The following SVOPL variants were observed in gnomAD, a reference collection of about 807,000 sequenced individuals.
SVOPL encodes the protein SVOP like, also known as putative transporter SVOPL.
SVOPL carries 60 observed loss-of-function variants against 61.0 expected under a neutral mutation model. The observed-to-expected ratio is 0.98, with a 90% CI of 0.80 to 1.22. The LOEUF (loss-of-function observed/expected upper bound fraction) is 1.22, where lower values mean the gene tolerates loss of function less well. Ranked by LOEUF, SVOPL falls within the 50% of genes most tolerant of loss-of-function variation. The pLI, the probability that SVOPL is intolerant of heterozygous loss-of-function variation, is 0.00. For synonymous variants in SVOPL, 279 were observed against 250.0 expected, an observed-to-expected ratio of 1.12 and a Z score of -1.09; for missense variants, 662 against 643.9, an observed-to-expected ratio of 1.03 and a Z score of -0.30.
intron 4 of SVOPL, 27 bp downstream of exon 4, chr7:138,671,992 T>C (rs1438107913): frequency 6.5e-7 from 1 of 1,549,178 alleles, no homozygotes; most frequent in Admixed American, 2.0e-5. Flanking sequence ...AGTTGCTGTG[T>C]TCACGGCACA....
In SVOPL at chr7:138,604,677, C is replaced by CAAA. The variant is rs5887890; in HGVS notation, c.1354-8150_1354-8148dup. Among the ~76,000 whole-genome samples the CAAA allele has an allele frequency of 6.5e-3, 379 of 58,136 alleles. 5 individuals are homozygous for CAAA. The highest frequency in any genetic ancestry group is 0.025 in the African/African-American group (284 of 11,568). The allele number at this position is 58,136 out of a possible 152,430, so 38.1% of individuals were successfully genotyped here. ...TGGGCAACAGAGCAAAACTTTATCTCAAAAAAAAAAAAAAAAAAAAAAAGT... is the reference window on the plus strand; with the variant it reads ...TGGGCAACAGAGCAAAACTTTATCTCAAAAAAAAAAAAAAAAAAAAAAAAAAGT... On this transcript the variant is annotated intron_variant, in intron 14 of 15. Coordinates refer to ENST00000674285, the MANE Select transcript of SVOPL (RefSeq NM_001139456.2).
chr7:138,668,122 A>T (rs1476840932), intron 4 of SVOPL, among the ~76,000 whole-genome samples: 1 of 152,136 alleles, frequency 6.6e-6, no homozygotes, highest in East Asian at 1.9e-4. Context: ...AAACTGGTTC[A>T]TCTGATCTTG....
chr7:138,664,322 A>C, intron 4 of SVOPL: 26 of 756,966 alleles, frequency 3.4e-5, no homozygotes, highest in Non-Finnish European at 3.8e-5. Flanking sequence ...CTAATCCTCC[A>C]TCGGACACAC....
At chr7:138,680,339 G>A (rs1201965407) in intron 1 of SVOPL, among the ~76,000 whole-genome samples, 3 of 151,978 alleles carry the variant, frequency 2.0e-5, no homozygotes, top group Non-Finnish European at 4.4e-5. Context: ...AGTAGAGATG[G>A]GGTTTTGCCA....
At chr7:138,604,935 G>A (rs190409831) in intron 14 of SVOPL, among the ~76,000 whole-genome samples, 17 of 151,920 alleles carry the variant, frequency 1.1e-4, no homozygotes, top group African/African-American at 4.1e-4. Context: ...GTGAAAGAAG[G>A]TTGGGTGTAG....
chr7:138,648,734 G>GCACTC (rs1277543942), intron 8 of SVOPL, among the ~76,000 whole-genome samples: 1 of 150,956 alleles, frequency 6.6e-6, no homozygotes, highest in Admixed American at 6.6e-5. Flanking sequence ...TCGCGGCACT[G>GCACTC]CACTCCAGCC....
chr7:138,630,193 C>A (rs536229008), intron 9 of SVOPL, 71 bp from the exon 10 acceptor site: 78 of 1,301,734 alleles, frequency 6.0e-5, no homozygotes, highest in Non-Finnish European at 8.0e-5. Context: ...CCACTGTTTT[C>A]GATCATAGAA....
intron 14 of SVOPL, among the ~76,000 whole-genome samples, chr7:138,598,743 A>G (rs1798383625): frequency 6.6e-6 from 1 of 152,354 alleles, no homozygotes; most frequent in South Asian, 2.1e-4. Context: ...GAATGAAAAC[A>G]CAACATGTTA....
At position 138,619,081 on chromosome 7, in the gene SVOPL, A is replaced by T. The variant is rs76124696; in HGVS notation, c.1353+1965T>A. Among the ~76,000 whole-genome samples, 1,332 of 152,236 alleles carry T rather than the reference A, an allele frequency of 8.7e-3. 20 individuals carry two copies. Among genetic ancestry groups the T allele is most frequent in the African/African-American group, 0.03 (1,245 of 41,530 alleles). On this transcript the variant is annotated intron_variant, in intron 14 of 15. Transcript: ENST00000674285. Reference sequence around the variant, plus strand: ...TAATGAAAGCTTGGAAAATGAACTAAGCCTCAGTTCAGTCATCCAGAAATA... The same window carrying T: ...TAATGAAAGCTTGGAAAATGAACTATGCCTCAGTTCAGTCATCCAGAAATA...
At chr7:138,622,141 T>TCGACAGAGTCTCA (rs1799656536) in intron 13 of SVOPL, among the ~76,000 whole-genome samples, 2 of 133,880 alleles carry the variant, frequency 1.5e-5, no homozygotes, top group East Asian at 4.7e-4. Context: ...TATCTATGTA[T>TCGACAGAGTCTCA]CTATCTATGT....
At chr7:138,630,163 A>T (rs1167938328) in intron 9 of SVOPL, 41 bp from the exon 10 acceptor site, 1 of 1,500,662 alleles carries the variant, frequency 6.7e-7, no homozygotes. Flanking sequence ...TCAGCAGCTT[A>T]AGGATGAACG....
intron 9 of SVOPL, among the ~76,000 whole-genome samples, chr7:138,633,432 C>G (rs1563105768): frequency 6.6e-6 from 1 of 152,034 alleles, no homozygotes; most frequent in Non-Finnish European, 1.5e-5. Context: ...TTAAAAGAGC[C>G]TCGCACCTCT....
intron 14 of SVOPL, among the ~76,000 whole-genome samples, chr7:138,607,485 C>T (rs755748091): frequency 1.7e-4 from 26 of 152,086 alleles, no homozygotes; most frequent in Non-Finnish European, 3.2e-4. Flanking sequence ...GAAGGGAACA[C>T]GGGATGCCGG....
rs1158818070 is a variant in SVOPL at position 138,612,405 on chromosome 7, TAAAAAAAAAAAA to T, written c.1353+8629_1353+8640del. Among the ~76,000 whole-genome samples, 6 of 9,334 alleles carry T rather than the reference TAAAAAAAAAAAA, an allele frequency of 6.4e-4. 1 individual carries two copies. The highest frequency in any genetic ancestry group is 1.2e-3 in the Non-Finnish European group (6 of 5,004). 6.1% of individuals were successfully genotyped at this position (9,334 alleles called of 152,430 possible). A position where few individuals can be genotyped will look rare whatever the true frequency, so the allele number is the denominator to read the frequency against. On this transcript the variant is annotated intron_variant, in intron 14 of 15. Transcript: ENST00000674285. ...AAGAATTATCAATAAAAAAATAAAT[TAAAAAAAAAAAA>T]AAAAAATAAAATAAAAAATAAAAAA...
chr7:138,650,119 T>C (rs960486623), intron 7 of SVOPL, among the ~76,000 whole-genome samples: 1 of 152,214 alleles, frequency 6.6e-6, no homozygotes, highest in Non-Finnish European at 1.5e-5. Context: ...CGCGAGCCAC[T>C]GCATCCAGCA....
chr7:138,680,515 G>A (rs1184145411), intron 1 of SVOPL, among the ~76,000 whole-genome samples: 2 of 151,182 alleles, frequency 1.3e-5, no homozygotes, highest in African/African-American at 4.8e-5. Flanking sequence ...AAAGCCAAAA[G>A]AAAACTAAGA....
At chr7:138,696,800 C>A (rs1459338277) in intron 1 of SVOPL, among the ~76,000 whole-genome samples, 1 of 152,086 alleles carries the variant, frequency 6.6e-6, no homozygotes, top group Non-Finnish European at 1.5e-5. Context: ...AACTCCTGGG[C>A]TCAGACAATC....
At chr7:138,622,198 CTATG>C (rs1563096555) in intron 13 of SVOPL, among the ~76,000 whole-genome samples, 7 of 64,136 alleles carry the variant, frequency 1.1e-4, no homozygotes, top group Non-Finnish European at 1.1e-4. Context: ...ATCTATCTAT[CTATG>C]TATCTATCTA....
chr7:138,625,511 T>C (rs1200028906), intron 13 of SVOPL, among the ~76,000 whole-genome samples: 1 of 152,230 alleles, frequency 6.6e-6, no homozygotes, highest in Non-Finnish European at 1.5e-5. Context: ...TGCATATAGA[T>C]GTATTAATTC....
Sources: allele counts gnomAD v4.1 joint callset (sites outside exome capture counted in the v4.1 genomes callset), GRCh38; gene constraint gnomAD v4.1.1; transcripts MANE v1.5; gene names NCBI Gene and HGNC (gene_info 2026-07-23, HGNC 2026-07-21).